Variants in UBE4A observed in about 807,000 individuals in gnomAD.
UBE4A encodes the protein ubiquitin conjugation factor E4 A.
In UBE4A, 48 loss-of-function variants were observed where a neutral mutation model predicts 117.9. That is an observed-to-expected ratio of 0.41 (90% CI 0.32 to 0.52). The LOEUF (loss-of-function observed/expected upper bound fraction) is 0.52. Among genes scored for constraint, UBE4A ranks in the 20% least tolerant of loss-of-function variants. The probability of loss-of-function intolerance (pLI) is 0.33; values close to 1 mark genes in which losing one functional copy is unlikely to be tolerated. For missense variants in UBE4A, 1,067 were observed against 1,296.3 expected, an observed-to-expected ratio of 0.82 and a Z score of 2.72; for synonymous variants, 407 against 450.0, an observed-to-expected ratio of 0.90 and a Z score of 1.21.
rs1185818801 is a variant in UBE4A at position 118,392,695 on chromosome 11, T to C, written c.2917-43T>C. The stretch of plus-strand genomic sequence containing the variant: ...TGTCATTGAGCACGCTGAATTCAGC[T>C]ACACTGTGAATTCACTTTAACTACC... On this transcript the variant is annotated intron_variant, in intron 18 of 19. Coordinates refer to ENST00000252108, the MANE Select transcript of UBE4A (RefSeq NM_001204077.2). 6 of 1,585,698 alleles carry C rather than the reference T, an allele frequency of 3.8e-6. No homozygotes were observed. In the African/African-American group the frequency reaches 5.4e-5, roughly 14 times the overall value.
rs1948618940 is a variant in UBE4A, at chr11:118,372,673, A to T, written c.721+7A>T. Reference sequence around the variant, plus strand: ...GAAGCCATCCAGGGAGCCCGTGAGTACATGAACAAGATCTGTAAGCTTCTA... The same window carrying T: ...GAAGCCATCCAGGGAGCCCGTGAGTTCATGAACAAGATCTGTAAGCTTCTA... On this transcript the variant is annotated splice_region_variant and intron_variant, in intron 6 of 19. Transcript: ENST00000252108. 2.5e-6 allele frequency: 4 copies of T among 1,612,588 alleles called. No individual in the cohort carries two copies. The highest frequency in any genetic ancestry group is 3.4e-6 in the Non-Finnish European group (4 of 1,179,650).
chr11:118,385,072 A>G lies in UBE4A; in HGVS notation c.2412+127A>G, dbSNP rs1329605891. On this transcript the variant is annotated intron_variant, in intron 15 of 19. Coordinates refer to ENST00000252108, the MANE Select transcript of UBE4A (RefSeq NM_001204077.2). Reference sequence around the variant, plus strand: ...CCCCTAGTACCAGACTTGAACACCAAAAATTTGTGATTAGTAGTGTACCAC... The same window carrying G: ...CCCCTAGTACCAGACTTGAACACCAGAAATTTGTGATTAGTAGTGTACCAC... 1.5e-5 allele frequency: 12 copies of G among 776,890 alleles called. No homozygotes were observed. In the Admixed American group the frequency reaches 2.5e-4, roughly 16 times the overall value. The allele number at this position is 776,890 out of a possible 1,614,324, so 48.1% of individuals were successfully genotyped here. A position where few individuals can be genotyped will look rare whatever the true frequency, so the allele number is the denominator to read the frequency against.
intron 12 of UBE4A, 144 bp downstream of exon 12, chr11:118,381,667 T>TA: frequency 9.0e-7 from 1 of 1,112,974 alleles, no homozygotes; most frequent in Non-Finnish European, 1.3e-6. Flanking sequence ...TGACCATCCA[T>TA]ATGGGTAGCC....
rs5795126 is a variant in UBE4A at position 118,396,547 on chromosome 11, C to CT, written c.*125dup. 128,768 of 814,102 alleles carry CT rather than the reference C, an allele frequency of 0.16. 2,890 individuals carry two copies. The highest frequency in any genetic ancestry group is 0.32 in the East Asian group (6,295 of 19,602). 50.4% of individuals were successfully genotyped at this position (814,102 alleles called of 1,614,324 possible). A position where few individuals can be genotyped will look rare whatever the true frequency, so the allele number is the denominator to read the frequency against. On this transcript the variant is annotated 3_prime_UTR_variant, in exon 20 of 20. Transcript: ENST00000252108. ...TCCTTTTCTTTCTTCTTTTCTTTTT[C>CT]TTTTTTTTTTTTTTTTTTACTAAAT...
intron 10 of UBE4A, among the ~76,000 whole-genome samples, chr11:118,377,930 T>C (rs1443731742): frequency 1.4e-5 from 2 of 141,286 alleles, no homozygotes; most frequent in Non-Finnish European, 3.1e-5. Flanking sequence ...AAAAAAAAAA[T>C]TTCATTACTA....
In UBE4A at chr11:118,375,089, A is replaced by T. The variant is rs1555125155; in HGVS notation, c.1310A>T (p.Asn437Ile). Residue 437 changes from asparagine (N) to isoleucine (I), a missense_variant, in exon 9 of 20, where the codon AAT (asparagine) becomes ATT (isoleucine). This residue lies in a region of UBE4A where 1,001 missense variants were observed against 1,184.0 expected (regional missense o/e 0.85). Coordinates refer to ENST00000252108, the MANE Select transcript of UBE4A (RefSeq NM_001204077.2). ...QMYASDAFFLNLGAALLKLCQ... is the reference protein window; with the variant it reads ...QMYASDAFFLILGAALLKLCQ... ...TATGCCTCAGATGCTTTCTTTCTGA[A>T]TCTGGGTGCTGCTCTCCTGAAGCTA... is the stretch of plus-strand genomic sequence containing the variant. 6.2e-7 allele frequency: 1 copy of T among 1,614,222 alleles called. No individual in the cohort carries two copies. Among genetic ancestry groups the T allele is most frequent in the African/African-American group, 1.3e-5 (1 of 75,060 alleles).
rs1166344466 is a variant in UBE4A at position 118,386,629 on chromosome 11, C to T, written c.2587+17C>T. 1.3e-6 allele frequency: 2 copies of T among 1,507,540 alleles called. No homozygotes were observed. The highest frequency in any genetic ancestry group is 2.9e-5 in the African/African-American group (2 of 69,062). The allele number at this position is 1,507,540 out of a possible 1,614,324, so 93.4% of individuals were successfully genotyped here. ...TCACATCAGGTAAGGACATGAAGTA[C>T]TGCTTCCCCCCAAAAAAGTAATGGC... On this transcript the variant is annotated intron_variant, in intron 16 of 19. Coordinates refer to ENST00000252108, the MANE Select transcript of UBE4A (RefSeq NM_001204077.2).
chr11:118,376,637 A>G lies in UBE4A; in HGVS notation c.1514A>G (p.Asn505Ser), dbSNP rs1474743835. ...VQEPKFPQNY[N>S]LVTENLALTE... ...GAGCCGAAGTTTCCACAGAACTACA[A>G]CCTTGTAACAGAGAACCTTGCTCTG... The change falls in exon 10 of 20, where the codon AAC becomes AGC. Residue 505 changes from asparagine (N) to serine (S), a missense_variant. Asn to Ser is a conservative substitution (Grantham distance 46). Around this residue, in one of 3 missense-constraint regions of UBE4A, gnomAD observed 1,001 missense variants for 1,184.0 expected, o/e 0.85. Transcript: ENST00000252108. 3 of 1,613,966 alleles carry G rather than the reference A, an allele frequency of 1.9e-6. No individual in the cohort carries two copies. The highest frequency in any genetic ancestry group is 1.3e-5 in the African/African-American group (1 of 74,880).
At chr11:118,361,449 A>C (rs181751623) in intron 1 of UBE4A, among the ~76,000 whole-genome samples, 1 of 152,336 alleles carries the variant, frequency 6.6e-6, no homozygotes, top group East Asian at 1.9e-4. Context: ...TCCATTGAAC[A>C]AATCTAAACT....
At chr11:118,366,341 G>C (rs1333250569) in intron 2 of UBE4A, among the ~76,000 whole-genome samples, 1 of 152,176 alleles carries the variant, frequency 6.6e-6, no homozygotes, top group Non-Finnish European at 1.5e-5. Flanking sequence ...TGATTTATGA[G>C]TATGTGGTTG....
chr11:118,366,930 A>G (rs1238696925), intron 2 of UBE4A, among the ~76,000 whole-genome samples: 3 of 151,766 alleles, frequency 2.0e-5, no homozygotes, highest in South Asian at 2.1e-4. Flanking sequence ...TTAGTCGGGC[A>G]TGATGACAGG....
At position 118,385,031 on chromosome 11, in the gene UBE4A, T is replaced by C. The variant is rs191655925; in HGVS notation, c.2412+86T>C. The C allele has an allele frequency of 4.5e-5, 56 of 1,249,126 alleles. No homozygotes were observed. The Admixed American group carries it at 7.2e-4, about 16-fold the overall frequency. 77.4% of individuals were successfully genotyped at this position (1,249,126 alleles called of 1,614,324 possible). ...CATACATTTTACCTTTTAATCATAATAGAGCAGTCCTTATGCCCCTAGTAC... is the reference window on the plus strand; with the variant it reads ...CATACATTTTACCTTTTAATCATAACAGAGCAGTCCTTATGCCCCTAGTAC... On this transcript the variant is annotated intron_variant, in intron 15 of 19. Coordinates refer to ENST00000252108, the MANE Select transcript of UBE4A (RefSeq NM_001204077.2).
At chr11:118,372,906 G>C (rs1948620427) in intron 6 of UBE4A, among the ~76,000 whole-genome samples, 180 bp from the exon 7 acceptor site, 1 of 151,318 alleles carries the variant, frequency 6.6e-6, no homozygotes, top group African/African-American at 2.4e-5. Context: ...CCAGGAGTTT[G>C]AGGCTGTAGT....
At chr11:118,384,573 A>AGCAT (rs1948737243) in intron 13 of UBE4A, 62 bp from the exon 14 acceptor site, 2 of 1,458,618 alleles carry the variant, frequency 1.4e-6, no homozygotes, top group Non-Finnish European at 1.9e-6. Flanking sequence ...GCTACACATA[A>AGCAT]GCATAAACTC....
At chr11:118,382,832 C>A in intron 13 of UBE4A, 56 bp downstream of exon 13, 1 of 1,423,006 alleles carries the variant, frequency 7.0e-7, no homozygotes, top group Non-Finnish European at 9.3e-7. Context: ...AGTGGAGTTT[C>A]ATAGTTTGAT....
chr11:118,361,393 G>A (rs534581891), intron 1 of UBE4A, among the ~76,000 whole-genome samples: 5 of 152,172 alleles, frequency 3.3e-5, no homozygotes, highest in South Asian at 4.2e-4. Flanking sequence ...TCATTTTATC[G>A]GACCTTTAGA....
intron 16 of UBE4A, 44 bp from the exon 17 acceptor site, chr11:118,389,681 G>T: frequency 2.0e-6 from 3 of 1,529,656 alleles, no homozygotes; most frequent in Non-Finnish European, 2.7e-6. Context: ...AAGGAAAAGA[G>T]TGCTAATGGA....
At chr11:118,367,733 C>T (rs1051071264) in intron 2 of UBE4A, among the ~76,000 whole-genome samples, 5 of 151,718 alleles carry the variant, frequency 3.3e-5, no homozygotes, top group African/African-American at 2.4e-5. Context: ...CTCCTGACCT[C>T]GTGATCCGCC....
chr11:118,386,321 A>T, intron 15 of UBE4A, 117 bp from the exon 16 acceptor site: 1 of 1,153,524 alleles, frequency 8.7e-7, no homozygotes. Context: ...CATGTCTTTT[A>T]CATGGTCCCT....
Sources: allele counts gnomAD v4.1 joint callset (sites outside exome capture counted in the v4.1 genomes callset), GRCh38; gene constraint gnomAD v4.1.1; regional missense constraint gnomAD v4.1.1; transcripts MANE v1.5; gene names NCBI Gene and HGNC (gene_info 2026-07-23, HGNC 2026-07-21).